SARS1: variants seen among roughly 807,000 people sequenced by gnomAD.
The protein encoded by SARS1 is seryl-tRNA synthetase 1.
Under a neutral mutation model 63.7 loss-of-function variants are expected in SARS1, and 25 were observed. The observed-to-expected ratio is 0.39, with a 90% CI of 0.29 to 0.55. The LOEUF (loss-of-function observed/expected upper bound fraction) is 0.55, where lower values mean the gene tolerates loss of function less well. Ranked by LOEUF, SARS1 falls within the 20% of genes least tolerant of loss-of-function variation. The probability of loss-of-function intolerance (pLI) is 0.62; values close to 1 mark genes in which losing one functional copy is unlikely to be tolerated. For missense variants in SARS1, 417 were observed against 649.7 expected, an observed-to-expected ratio of 0.64 and a Z score of 3.89; for synonymous variants, 231 against 243.5, an observed-to-expected ratio of 0.95 and a Z score of 0.48.
intron 1 of SARS1, among the ~76,000 whole-genome samples, chr1:109,219,322 A>G: frequency 1.4e-5 from 1 of 69,766 alleles, no homozygotes; most frequent in Non-Finnish European, 3.2e-5. Context: ...TACACTATAT[A>G]TTTATATACA....
intron 9 of SARS1, chr1:109,236,958 G>A: frequency 1.3e-6 from 2 of 1,493,174 alleles, no homozygotes; most frequent in Non-Finnish European, 1.8e-6. Flanking sequence ...GAAAAGGAAA[G>A]GCCACAATAG....
chr1:109,220,384 A>G (rs1445527906), intron 1 of SARS1, among the ~76,000 whole-genome samples: 1 of 152,214 alleles, frequency 6.6e-6, no homozygotes, highest in Non-Finnish European at 1.5e-5. Flanking sequence ...AGTACTTGAC[A>G]TTGGCAGTCC....
Position 109,235,277 on chromosome 1 carries a change from C to T in SARS1, c.815C>T (p.Ser272Leu). 4 of 1,614,126 alleles carry T rather than the reference C, an allele frequency of 2.5e-6. No homozygotes were observed. Among genetic ancestry groups the T allele is most frequent in the Non-Finnish European group, 3.4e-6 (4 of 1,180,034 alleles). The change falls in exon 7 of 11, where the codon TCA (serine) becomes TTA (leucine). Residue 272 changes from serine to leucine, a missense_variant. By Grantham distance (145) the Ser-to-Leu change is moderately radical. This residue lies in a region of SARS1 where 359 missense variants were observed against 529.6 expected (regional missense o/e 0.68). Transcript: ENST00000234677. This position sits in a 1 kb window ranked among gnomAD's most constrained non-coding sequence, Gnocchi z 4.7. ...SYDEKYLIAT[S>L]EQPIAALHRD... ...GATGAGAAGTACCTGATTGCCACCT[C>T]AGAGCAGCCCATTGCTGCCCTGCAC...
intron 1 of SARS1, among the ~76,000 whole-genome samples, chr1:109,217,524 G>T (rs1654819228): frequency 6.7e-6 from 1 of 149,736 alleles, no homozygotes; most frequent in Non-Finnish European, 1.5e-5. Context: ...ACCTAGTCTT[G>T]TATACCCAAA....
At chr1:109,223,837 T>C in intron 1 of SARS1, 141 bp from the exon 2 acceptor site, 2 of 672,086 alleles carry the variant, frequency 3.0e-6, no homozygotes, top group Non-Finnish European at 5.4e-6. Flanking sequence ...TAAGATTTTA[T>C]AACTTCATGA....
chr1:109,228,170 A>G (rs1265096981), intron 2 of SARS1, among the ~76,000 whole-genome samples, 182 bp from the exon 3 acceptor site: 1 of 152,228 alleles, frequency 6.6e-6, no homozygotes, highest in Non-Finnish European at 1.5e-5. Flanking sequence ...GAGGGGCTTG[A>G]CACTTTGACT....
chr1:109,236,263 A>G, intron 8 of SARS1, 128 bp from the exon 9 acceptor site: 1 of 1,297,090 alleles, frequency 7.7e-7, no homozygotes, highest in Non-Finnish European at 1.1e-6. Context: ...ATTTGGTGTT[A>G]AGAATATCTG....
intron 6 of SARS1, among the ~76,000 whole-genome samples, chr1:109,233,298 A>T (rs556149320): frequency 6.6e-6 from 1 of 152,142 alleles, no homozygotes. Flanking sequence ...GGTGTGAGCC[A>T]CTATGCCCAG....
At chr1:109,227,940 C>T (rs1320579057) in intron 2 of SARS1, among the ~76,000 whole-genome samples, 3 of 145,386 alleles carry the variant, frequency 2.1e-5, no homozygotes, top group African/African-American at 5.1e-5. Flanking sequence ...AAAAAAGAAT[C>T]CACACTCAGG....
Position 109,237,665 on chromosome 1 carries a change from C to T in SARS1, c.1388-66C>T. On this transcript the variant is annotated intron_variant, in intron 10 of 10. Transcript: ENST00000234677. This position sits in a 1 kb window ranked among gnomAD's most constrained non-coding sequence, Gnocchi z 4.1. ...GGATCATTGTCTTGTTGAATTCTCC[C>T]CAGAGGTCTTAGGGCTTTGACTCAC... The T allele has an allele frequency of 6.4e-7, 1 of 1,557,836 alleles. No individual in the cohort carries two copies. The highest frequency in any genetic ancestry group is 8.8e-7 in the Non-Finnish European group (1 of 1,138,426).
rs1350879159 is a variant in SARS1, at chr1:109,235,777, T to C, written c.970-200T>C. Among the ~76,000 whole-genome samples, 1 of 152,146 alleles carries C rather than the reference T, an allele frequency of 6.6e-6. No individual in the cohort carries two copies. The highest frequency in any genetic ancestry group is 6.5e-5 in the Admixed American group (1 of 15,274). On this transcript the variant is annotated intron_variant, in intron 7 of 10. Coordinates refer to ENST00000234677, the MANE Select transcript of SARS1 (RefSeq NM_006513.4). This position sits in a 1 kb window ranked among gnomAD's most constrained non-coding sequence, Gnocchi z 4.7. ...ATCCCAGTCACTATATGTAAAGCACTCAGAACAGGGGCTGGCATGCATACG... is the reference window on the plus strand; with the variant it reads ...ATCCCAGTCACTATATGTAAAGCACCCAGAACAGGGGCTGGCATGCATACG...
chr1:109,235,111 T>C lies in SARS1; in HGVS notation c.748-99T>C. The C allele has an allele frequency of 1.0e-6, 1 of 971,754 alleles. No homozygotes were observed. The highest frequency in any genetic ancestry group is 1.6e-6 in the Non-Finnish European group (1 of 615,628). 60.2% of individuals were successfully genotyped at this position (971,754 alleles called of 1,614,324 possible). ...ACTCCCAGGCAGGGATTAAAGGAAATTTTTCCTGCACTATTATTGATCTCT... is the reference window on the plus strand; with the variant it reads ...ACTCCCAGGCAGGGATTAAAGGAAACTTTTCCTGCACTATTATTGATCTCT... On this transcript the variant is annotated intron_variant, in intron 6 of 10. Coordinates refer to ENST00000234677, the MANE Select transcript of SARS1 (RefSeq NM_006513.4). This position sits in a 1 kb window ranked among gnomAD's most constrained non-coding sequence, Gnocchi z 4.7.
In SARS1 at chr1:109,221,214, C is replaced by T. The variant is rs1347674591; in HGVS notation, c.137-2764C>T. On this transcript the variant is annotated intron_variant, in intron 1 of 10. Coordinates refer to ENST00000234677, the MANE Select transcript of SARS1 (RefSeq NM_006513.4). ...TAGCTGGGACTACAGGTGCGTGCCA[C>T]CACGCCCAGCTAATTTTTGTATTTT... Among the ~76,000 whole-genome samples the T allele has an allele frequency of 2.0e-5, 3 of 152,044 alleles. No individual in the cohort carries two copies. The East Asian group carries it at 5.8e-4, about 29-fold the overall frequency.
At chr1:109,233,865 T>G (rs1337127866) in intron 6 of SARS1, among the ~76,000 whole-genome samples, 45 of 129,748 alleles carry the variant, frequency 3.5e-4, no homozygotes, top group African/African-American at 1.3e-3. Flanking sequence ...CTGGCTAATT[T>G]TTTTTTTTTT....
chr1:109,220,092 A>C (rs976344976), intron 1 of SARS1, among the ~76,000 whole-genome samples: 5 of 152,234 alleles, frequency 3.3e-5, no homozygotes, highest in Non-Finnish European at 7.3e-5. Context: ...GTTATGATTT[A>C]TGAATACAAT....
At chr1:109,229,686 T>A in intron 4 of SARS1, 114 bp downstream of exon 4, 2 of 1,075,972 alleles carry the variant, frequency 1.9e-6, no homozygotes, top group African/African-American at 3.1e-5. Context: ...GCAGGTTCTT[T>A]GTATATTCCC....
At chr1:109,233,663 TTTAAC>T (rs1411118667) in intron 6 of SARS1, among the ~76,000 whole-genome samples, 3 of 151,898 alleles carry the variant, frequency 2.0e-5, no homozygotes, top group Non-Finnish European at 4.4e-5. Flanking sequence ...TAAATTGCCT[TTTAAC>T]TTAGCATTAT....
intron 2 of SARS1, among the ~76,000 whole-genome samples, chr1:109,227,843 C>T (rs915749768): frequency 5.3e-5 from 8 of 150,258 alleles, no homozygotes; most frequent in Middle Eastern, 3.2e-3. Flanking sequence ...CACTTGAAAC[C>T]GGAAGGCGGA....
intron 1 of SARS1, chr1:109,216,718 C>A: frequency 3.6e-6 from 2 of 558,106 alleles, no homozygotes; most frequent in Non-Finnish European, 4.5e-6. Context: ...TCTCCCCAGG[C>A]TCAGATGATC....
Sources: gnomAD v4.1 joint callset for allele counts (sites outside exome capture counted in the v4.1 genomes callset) on GRCh38, gnomAD v4.1.1 for gene constraint, gnomAD v4.1.1 regional missense constraint, Gnocchi (gnomAD v3.1) non-coding constraint, MANE v1.5 for transcripts, NCBI Gene and HGNC (gene_info 2026-07-23, HGNC 2026-07-21) for gene names.